IMMP2L: variants seen among roughly 807,000 people sequenced by gnomAD.
IMMP2L encodes the protein inner mitochondrial membrane peptidase subunit 2, also known as mitochondrial inner membrane protease subunit 2.
In IMMP2L, 18 loss-of-function variants were observed where a neutral mutation model predicts 19.3. That is an observed-to-expected ratio of 0.93 (90% CI 0.64 to 1.38). The LOEUF (loss-of-function observed/expected upper bound fraction) is 1.38. IMMP2L is among the 40% of genes most tolerant of loss of function. The pLI, the probability that IMMP2L is intolerant of heterozygous loss-of-function variation, is 0.00. For missense variants in IMMP2L, 233 were observed against 218.2 expected, an observed-to-expected ratio of 1.07 and a Z score of -0.43; for synonymous variants, 76 against 73.0, an observed-to-expected ratio of 1.04 and a Z score of -0.21.
intron 4 of IMMP2L, among the ~76,000 whole-genome samples, chr7:110,904,334 T>C (rs571767483): frequency 2.6e-5 from 4 of 152,298 alleles, no homozygotes; most frequent in Admixed American, 2.0e-4. Flanking sequence ...CCAAGACCAA[T>C]GTCATGAAGT....
chr7:111,544,404 T>C (rs1848738666), intron 1 of IMMP2L, among the ~76,000 whole-genome samples: 1 of 152,050 alleles, frequency 6.6e-6, no homozygotes, highest in Non-Finnish European at 1.5e-5. Context: ...ATAAAAAAAA[T>C]TAAGTATGGC....
At chr7:111,225,203 T>C (rs1194109950) in intron 3 of IMMP2L, among the ~76,000 whole-genome samples, 1 of 152,098 alleles carries the variant, frequency 6.6e-6, no homozygotes, top group African/African-American at 2.4e-5. Flanking sequence ...CAACTGACAG[T>C]ATTCATTACC....
At position 111,281,156 on chromosome 7, in the gene IMMP2L, C is replaced by CAA. The variant is rs1447805877; in HGVS notation, c.239+206081_239+206082insTT. On this transcript the variant is annotated intron_variant, in intron 3 of 5. Transcript: ENST00000405709. ...AGAGAAAGACAGAAAGACAGAAAGA[C>CAA]AGAAAGAAAGAAAGAAAGAAAGAAA... Among the ~76,000 whole-genome samples the CAA allele has an allele frequency of 4.4e-5, 3 of 67,814 alleles. No homozygotes were observed. In the Admixed American group the frequency reaches 5.5e-4, roughly 13 times the overall value. 44.5% of individuals were successfully genotyped at this position (67,814 alleles called of 152,430 possible).
At chr7:111,114,671 G>C (rs1189098459) in intron 3 of IMMP2L, among the ~76,000 whole-genome samples, 1 of 151,134 alleles carries the variant, frequency 6.6e-6, no homozygotes, top group Non-Finnish European at 1.5e-5. Context: ...AGGAGGTGGA[G>C]GGTGCAGTGA....
intron 3 of IMMP2L, among the ~76,000 whole-genome samples, chr7:111,151,115 T>A (rs780661877): frequency 3.3e-4 from 51 of 152,324 alleles, no homozygotes; most frequent in Admixed American, 9.2e-4. Context: ...AGACTTTGAA[T>A]TTTACTGATC....
At chr7:111,281,160 A>AAG (rs1296967788) in intron 3 of IMMP2L, among the ~76,000 whole-genome samples, 1 of 20,978 alleles carries the variant, frequency 4.8e-5, no homozygotes, top group African/African-American at 1.8e-4. Flanking sequence ...GAAAGACAGA[A>AAG]AGAAAGAAAG....
chr7:110,678,129 C>T (rs561842321), intron 5 of IMMP2L, among the ~76,000 whole-genome samples: 7 of 152,230 alleles, frequency 4.6e-5, no homozygotes, highest in East Asian at 3.9e-4. Context: ...ATTCTAAAAT[C>T]GAAAGAGTTC....
chr7:111,254,227 C>CTTTTGTCTTG (rs1816456096), intron 3 of IMMP2L, among the ~76,000 whole-genome samples: 1 of 151,150 alleles, frequency 6.6e-6, no homozygotes, highest in African/African-American at 2.4e-5. Flanking sequence ...TGTTTCTTGT[C>CTTTTGTCTTG]TTTTGTTTTG....
At position 111,357,786 on chromosome 7, in the gene IMMP2L, AT is replaced by A; in HGVS notation, c.239+129451del. On this transcript the variant is annotated intron_variant, in intron 3 of 5. Transcript: ENST00000405709. ...AAGCAACATGAGTCATCATGAAGAAATTATATATATATATACTTATCCATTT... is the reference window on the plus strand; with the variant it reads ...AAGCAACATGAGTCATCATGAAGAAATATATATATATATACTTATCCATTT... Among the ~76,000 whole-genome samples the A allele has an allele frequency of 2.0e-5, 3 of 152,216 alleles. No individual in the cohort carries two copies. In the East Asian group the frequency reaches 5.8e-4, roughly 29 times the overall value.
intron 3 of IMMP2L, among the ~76,000 whole-genome samples, chr7:111,154,119 C>G (rs974915625): frequency 5.3e-5 from 8 of 152,040 alleles, no homozygotes; most frequent in Admixed American, 2.6e-4. Flanking sequence ...ATTACTCAAT[C>G]TTGTTTCTTA....
At chr7:110,834,471 C>A (rs1301507235) in intron 5 of IMMP2L, among the ~76,000 whole-genome samples, 2 of 151,984 alleles carry the variant, frequency 1.3e-5, no homozygotes, top group African/African-American at 2.4e-5. Context: ...AGTGTTCTAG[C>A]AATTCATCAA....
intron 1 of IMMP2L, among the ~76,000 whole-genome samples, chr7:111,558,375 G>C (rs1255660346): frequency 6.6e-6 from 1 of 152,196 alleles, no homozygotes; most frequent in Non-Finnish European, 1.5e-5. Context: ...GGATAGAAGG[G>C]TATCTTTGTT....
chr7:111,487,371 A>G, intron 2 of IMMP2L, 30 bp from the exon 3 acceptor site: 2 of 1,261,638 alleles, frequency 1.6e-6, no homozygotes, highest in Non-Finnish European at 2.3e-6. Flanking sequence ...AGACACTTCT[A>G]TCATTTGTAT....
chr7:110,957,927 T>A (rs1295229509), intron 4 of IMMP2L, among the ~76,000 whole-genome samples: 2 of 151,990 alleles, frequency 1.3e-5, no homozygotes, highest in African/African-American at 4.8e-5. Flanking sequence ...ATGTGTTATA[T>A]ATTTGTTTAT....
rs1350500474 is a variant in IMMP2L, at chr7:110,877,849, A to G, written c.408+8744T>C. Among the ~76,000 whole-genome samples, 1 of 152,130 alleles carries G rather than the reference A, an allele frequency of 6.6e-6. No homozygotes were observed. The highest frequency in any genetic ancestry group is 1.5e-5 in the Non-Finnish European group (1 of 68,014). ...TTATTCACCAGGTATTTACTCATAA[A>G]AAACTAACACCATTAAGGACCCAGA... On this transcript the variant is annotated intron_variant, in intron 5 of 5. Coordinates refer to ENST00000405709, the MANE Select transcript of IMMP2L (RefSeq NM_032549.4). The surrounding 1 kb of genome is among the most constrained non-coding windows in gnomAD (Gnocchi z 4.0).
Position 110,800,895 on chromosome 7 carries a change from A to T in IMMP2L, c.408+85698T>A, listed in dbSNP as rs577756161. ...GAAGAAGTGGCTCCAAGATGAGTCT[A>T]CTCTATTCCACAAGTCTTAGTCAGA... On this transcript the variant is annotated intron_variant, in intron 5 of 5. Coordinates refer to ENST00000405709, the MANE Select transcript of IMMP2L (RefSeq NM_032549.4). Among the ~76,000 whole-genome samples the T allele has an allele frequency of 5.3e-5, 8 of 152,138 alleles. No homozygotes were observed. In the East Asian group the frequency reaches 1.2e-3, roughly 22 times the overall value.
At chr7:110,786,038 C>T (rs965295860) in intron 5 of IMMP2L, among the ~76,000 whole-genome samples, 4 of 151,628 alleles carry the variant, frequency 2.6e-5, no homozygotes, top group South Asian at 2.1e-4. Flanking sequence ...TAAATGAAAA[C>T]GATGAATTCA....
At chr7:111,385,694 C>T (rs1394415018) in intron 3 of IMMP2L, among the ~76,000 whole-genome samples, 1 of 151,890 alleles carries the variant, frequency 6.6e-6, no homozygotes, top group African/African-American at 2.4e-5. Context: ...TGTCATAAGA[C>T]AGAAAATGAG....
At chr7:111,026,531 C>CT (rs1440798177) in intron 3 of IMMP2L, among the ~76,000 whole-genome samples, 9 of 152,110 alleles carry the variant, frequency 5.9e-5, no homozygotes, top group African/African-American at 2.2e-4. Flanking sequence ...CAGCCTCTCC[C>CT]TGTGCCAATT....
Sources: allele counts gnomAD v4.1 joint callset (sites outside exome capture counted in the v4.1 genomes callset), GRCh38; gene constraint gnomAD v4.1.1; non-coding constraint Gnocchi (gnomAD v3.1); transcripts MANE v1.5; gene names NCBI Gene and HGNC (gene_info 2026-07-23, HGNC 2026-07-21).